CPNE8: variants seen among roughly 807,000 people sequenced by gnomAD.
The protein encoded by CPNE8 is copine 8.
A neutral mutation model predicts 81.5 loss-of-function variants in CPNE8; 45 were observed. The observed-to-expected ratio is 0.55, with a 90% CI of 0.44 to 0.71. The LOEUF (loss-of-function observed/expected upper bound fraction) is 0.71. Ranked by LOEUF, CPNE8 falls within the 30% of genes least tolerant of loss-of-function variation. CPNE8 has a pLI of 0.00. For synonymous variants in CPNE8, 252 were observed against 226.3 expected, an observed-to-expected ratio of 1.11 and a Z score of -1.02; for missense variants, 594 against 672.1, an observed-to-expected ratio of 0.88 and a Z score of 1.28.
intron 16 of CPNE8, among the ~76,000 whole-genome samples, chr12:38,682,931 G>A (rs1024827934): frequency 1.3e-5 from 2 of 152,136 alleles, no homozygotes; most frequent in Admixed American, 6.5e-5. Flanking sequence ...CAGATGTTGA[G>A]TAGGATTTTA....
chr12:38,760,910 A>T (rs200134743), intron 9 of CPNE8, 22 bp from the exon 10 acceptor site: 1 of 1,525,258 alleles, frequency 6.6e-7, no homozygotes, highest in South Asian at 1.2e-5. Context: ...AAAAACATAC[A>T]CATAAAGTTA....
At chr12:38,659,877 G>T (rs1265591087) in intron 19 of CPNE8, among the ~76,000 whole-genome samples, 3 of 152,128 alleles carry the variant, frequency 2.0e-5, no homozygotes, top group Non-Finnish European at 4.4e-5. Context: ...GCTACAAAGA[G>T]AATAAAATAT....
chr12:38,747,785 C>A (rs826862), intron 10 of CPNE8, among the ~76,000 whole-genome samples: 1 of 151,828 alleles, frequency 6.6e-6, no homozygotes, highest in Non-Finnish European at 1.5e-5. Context: ...ATACTAATCA[C>A]GCTGAATACT....
chr12:38,674,241 G>T (rs1230677289), intron 18 of CPNE8, among the ~76,000 whole-genome samples: 2 of 152,126 alleles, frequency 1.3e-5, no homozygotes, highest in Non-Finnish European at 2.9e-5. Context: ...GCCAGGAAGG[G>T]TCAGTGGCTT....
chr12:38,736,185 TATA>T (rs1940948386), intron 10 of CPNE8, among the ~76,000 whole-genome samples: 1 of 151,006 alleles, frequency 6.6e-6, no homozygotes, highest in Non-Finnish European at 1.5e-5. Context: ...TATACATATA[TATA>T]ATAAGTTCTA....
chr12:38,721,398 A>G (rs1432150651), intron 13 of CPNE8, among the ~76,000 whole-genome samples: 3 of 152,092 alleles, frequency 2.0e-5, no homozygotes, highest in Non-Finnish European at 4.4e-5. Context: ...ACCTGCCTGC[A>G]GAGAGGAGCT....
At chr12:38,682,335 A>G (rs1939427867) in intron 16 of CPNE8, among the ~76,000 whole-genome samples, 2 of 152,190 alleles carry the variant, frequency 1.3e-5, no homozygotes, top group Admixed American at 1.3e-4. Context: ...AGGCGGGCGG[A>G]TCGCCTGAGG....
intron 19 of CPNE8, among the ~76,000 whole-genome samples, chr12:38,669,029 G>C (rs1402764600): frequency 6.8e-6 from 1 of 147,792 alleles, no homozygotes; most frequent in African/African-American, 2.4e-5. Flanking sequence ...ACTCCAGCCT[G>C]GGCAACAGCG....
intron 3 of CPNE8, among the ~76,000 whole-genome samples, chr12:38,867,801 G>C (rs886068651): frequency 3.3e-5 from 5 of 151,986 alleles, no homozygotes; most frequent in African/African-American, 9.7e-5. Context: ...ATCATTTCTA[G>C]CTCTGAAATT....
At chr12:38,713,292 C>T (rs1000039302) in intron 13 of CPNE8, among the ~76,000 whole-genome samples, 2 of 152,184 alleles carry the variant, frequency 1.3e-5, no homozygotes, top group African/African-American at 4.8e-5. Flanking sequence ...ATTACCTTCT[C>T]TCATACTCCC....
intron 6 of CPNE8, among the ~76,000 whole-genome samples, chr12:38,798,822 C>A (rs969123973): frequency 6.6e-6 from 1 of 152,078 alleles, no homozygotes; most frequent in African/African-American, 2.4e-5. Flanking sequence ...TGCAGAGACA[C>A]ACATAGGCTC....
At chr12:38,746,306 CA>C (rs78259287) in intron 10 of CPNE8, among the ~76,000 whole-genome samples, 15,623 of 152,090 alleles carry the variant, frequency 0.1, 1,019 homozygotes, top group East Asian at 0.25. Context: ...ACTTGGTGGT[CA>C]AAAGGATTAC....
chr12:38,823,876 A>C (rs1199455139), intron 6 of CPNE8, among the ~76,000 whole-genome samples: 1 of 152,182 alleles, frequency 6.6e-6, no homozygotes, highest in Non-Finnish European at 1.5e-5. Flanking sequence ...ATACAATCTC[A>C]CAGCATGAGA....
chr12:38,854,710 A>T (rs1943702476), intron 3 of CPNE8, among the ~76,000 whole-genome samples: 1 of 152,112 alleles, frequency 6.6e-6, no homozygotes, highest in Admixed American at 6.5e-5. Flanking sequence ...TTTTAACAAC[A>T]TTAAAGAAAG....
At chr12:38,805,778 GAC>G (rs1179006519) in intron 6 of CPNE8, among the ~76,000 whole-genome samples, 1 of 146,942 alleles carries the variant, frequency 6.8e-6, no homozygotes, top group African/African-American at 2.5e-5. Context: ...AGGAAATAGA[GAC>G]ACAAAAAACC....
Position 38,872,998 on chromosome 12 carries a change from A to G in CPNE8, c.186+6T>C. 1 of 1,510,892 alleles carries G rather than the reference A, an allele frequency of 6.6e-7. No individual in the cohort carries two copies. Among genetic ancestry groups the G allele is most frequent in the African/African-American group, 1.4e-5 (1 of 72,334 alleles). 93.6% of individuals were successfully genotyped at this position (1,510,892 alleles called of 1,614,324 possible). ...AGTGATTTTTTTAAAAAAGTTTTAA[A>G]CTTACCTCTCTCCATTCTTTATTTC... is the stretch of plus-strand genomic sequence containing the variant. On this transcript the variant is annotated splice_donor_region_variant and intron_variant, in intron 3 of 19. Coordinates refer to ENST00000331366, the MANE Select transcript of CPNE8 (RefSeq NM_153634.3).
At chr12:38,886,838 A>C (rs1434519030) in intron 1 of CPNE8, among the ~76,000 whole-genome samples, 2 of 152,202 alleles carry the variant, frequency 1.3e-5, no homozygotes, top group Non-Finnish European at 2.9e-5. Flanking sequence ...AAGAAGGTAG[A>C]GCTCAGATGG....
chr12:38,727,785 C>A (rs896587805), intron 11 of CPNE8, among the ~76,000 whole-genome samples: 1 of 151,258 alleles, frequency 6.6e-6, no homozygotes, highest in Non-Finnish European at 1.5e-5. Context: ...AAAGCTCTGG[C>A]ATATTGCTGG....
intron 14 of CPNE8, among the ~76,000 whole-genome samples, chr12:38,702,509 CTT>C (rs1413074905): frequency 6.6e-6 from 1 of 151,956 alleles, no homozygotes; most frequent in East Asian, 1.9e-4. Flanking sequence ...AGGATTATAA[CTT>C]AATACACTTC....
Sources: gnomAD v4.1 joint callset for allele counts (sites outside exome capture counted in the v4.1 genomes callset) on GRCh38, gnomAD v4.1.1 for gene constraint, MANE v1.5 for transcripts, NCBI Gene and HGNC (gene_info 2026-07-23, HGNC 2026-07-21) for gene names.